SEMA3D: variants seen among roughly 807,000 people sequenced by gnomAD.
SEMA3D encodes the protein semaphorin-3D.
In SEMA3D, 84 loss-of-function variants were observed where a neutral mutation model predicts 100.1. The observed-to-expected ratio is 0.84, with a 90% CI of 0.70 to 1.01. SEMA3D has a LOEUF of 1.01. SEMA3D is among the 50% of genes least tolerant of loss of function. SEMA3D has a pLI of 0.00. For synonymous variants in SEMA3D, 312 were observed against 320.7 expected (o/e 0.97, Z 0.29); for missense variants, 875 against 934.1 (o/e 0.94, Z 0.82).
the SEMA3D span, among the ~76,000 whole-genome samples, chr7:85,194,631 T>A: frequency 6.6e-6 from 1 of 152,160 alleles, no homozygotes; most frequent in Admixed American, 6.5e-5. Flanking sequence ...GCATTTAAAT[T>A]CAAAGAGGGC....
At chr7:85,050,072 A>AACAC (rs55849524) in intron 9 of SEMA3D, among the ~76,000 whole-genome samples, 2,734 of 136,970 alleles carry the variant, frequency 0.02, 24 homozygotes, top group Non-Finnish European at 0.023. Context: ...CTTGAAGGGA[A>AACAC]ACACACACAC....
At chr7:85,091,202 G>A (rs943623892) in intron 4 of SEMA3D, among the ~76,000 whole-genome samples, 1 of 147,514 alleles carries the variant, frequency 6.8e-6, no homozygotes, top group Non-Finnish European at 1.5e-5. Flanking sequence ...AAGGAGGGAG[G>A]GAGGGAAGGA....
chr7:85,096,941 A>G (rs1223521903), intron 4 of SEMA3D, among the ~76,000 whole-genome samples: 1 of 151,794 alleles, frequency 6.6e-6, no homozygotes, highest in Non-Finnish European at 1.5e-5. Context: ...AAACCGTGCA[A>G]CTGCTCCTAA....
chr7:85,008,793 CATT>C (rs1324188980), intron 17 of SEMA3D, among the ~76,000 whole-genome samples: 1 of 151,704 alleles, frequency 6.6e-6, no homozygotes, highest in East Asian at 1.9e-4. Flanking sequence ...AGATTGTCCA[CATT>C]GGTGGCTGAG....
intron 8 of SEMA3D, among the ~76,000 whole-genome samples, chr7:85,064,877 TG>T (rs1791573195): frequency 6.6e-6 from 1 of 152,206 alleles, no homozygotes; most frequent in East Asian, 1.9e-4. Flanking sequence ...GACAAAATTA[TG>T]TCAATATTAA....
At chr7:85,135,700 A>C (rs1789844655) in intron 2 of SEMA3D, among the ~76,000 whole-genome samples, 1 of 150,684 alleles carries the variant, frequency 6.6e-6, no homozygotes, top group Non-Finnish European at 1.5e-5. Context: ...AAAAGAAAAA[A>C]TTAGAAAAAA....
At chr7:85,246,751 C>T in the SEMA3D span, among the ~76,000 whole-genome samples, 5 of 151,720 alleles carry the variant, frequency 3.3e-5, no homozygotes, top group Admixed American at 2.6e-4. Flanking sequence ...CCTGGAATTC[C>T]ACTCTTTGGT....
intron 2 of SEMA3D, among the ~76,000 whole-genome samples, chr7:85,136,941 CA>C (rs1264019508): frequency 6.6e-6 from 1 of 151,998 alleles, no homozygotes; most frequent in Admixed American, 6.6e-5. Flanking sequence ...CACTCAGGGT[CA>C]GGGTTTTTTA....
intron 6 of SEMA3D, among the ~76,000 whole-genome samples, chr7:85,071,069 C>T (rs984827769): frequency 6.6e-6 from 1 of 152,148 alleles, no homozygotes; most frequent in African/African-American, 2.4e-5. Context: ...CCGGCCAGCA[C>T]TTGTGACTTT....
At chr7:85,139,344 A>C (rs1234043517) in intron 2 of SEMA3D, among the ~76,000 whole-genome samples, 1 of 152,174 alleles carries the variant, frequency 6.6e-6, no homozygotes, top group African/African-American at 2.4e-5. Flanking sequence ...ACTGATTATT[A>C]GATTTAAACA....
intron 11 of SEMA3D, among the ~76,000 whole-genome samples, chr7:85,039,542 G>A (rs1490379449): frequency 1.3e-5 from 2 of 152,178 alleles, no homozygotes; most frequent in Non-Finnish European, 2.9e-5. Context: ...TTACAGGCAT[G>A]AGCCATCGTG....
intron 1 of SEMA3D, among the ~76,000 whole-genome samples, chr7:85,173,293 AGAG>A (rs1278158827): frequency 2.0e-5 from 3 of 152,108 alleles, no homozygotes; most frequent in African/African-American, 7.2e-5. Context: ...CTGGGAATTC[AGAG>A]GAGGGTGTTT....
the SEMA3D span, among the ~76,000 whole-genome samples, chr7:85,207,803 T>C: frequency 6.6e-6 from 1 of 152,074 alleles, no homozygotes; most frequent in African/African-American, 2.4e-5. Flanking sequence ...TGTGGATTGC[T>C]TCAATGAAAT....
At chr7:85,212,584 T>C in the SEMA3D span, among the ~76,000 whole-genome samples, 1 of 151,976 alleles carries the variant, frequency 6.6e-6, no homozygotes, top group Non-Finnish European at 1.5e-5. Context: ...CACCTGTGTG[T>C]GTGTTGCGTG....
chr7:85,144,763 A>G (rs1214780459), intron 2 of SEMA3D: 1 of 655,712 alleles, frequency 1.5e-6, no homozygotes, highest in Admixed American at 6.3e-5. Context: ...AGCAAATAAT[A>G]ATATTTCATA....
upstream of SEMA3D, among the ~76,000 whole-genome samples, chr7:85,190,656 C>T (rs539640301): frequency 7.9e-5 from 12 of 152,092 alleles, no homozygotes; most frequent in East Asian, 2.1e-3. Flanking sequence ...AAAAACACAC[C>T]TGACTTTCAT....
chr7:85,109,107 G>T (rs1447708748), intron 3 of SEMA3D, among the ~76,000 whole-genome samples: 1 of 151,606 alleles, frequency 6.6e-6, no homozygotes, highest in Non-Finnish European at 1.5e-5. Flanking sequence ...AAACATGTAT[G>T]GTCTGTCTTT....
chr7:85,203,686 T>G, the SEMA3D span, among the ~76,000 whole-genome samples: 1 of 152,102 alleles, frequency 6.6e-6, no homozygotes, highest in African/African-American at 2.4e-5. Context: ...GGAATGAGGA[T>G]CTATCAAAGT....
chr7:85,124,384 T>C (rs981718414), intron 2 of SEMA3D, among the ~76,000 whole-genome samples: 12 of 151,940 alleles, frequency 7.9e-5, no homozygotes, highest in Admixed American at 2.6e-4. Flanking sequence ...CTTGTGATGG[T>C]ATTTGAATAT....
Sources: allele counts gnomAD v4.1 joint callset (sites outside exome capture counted in the v4.1 genomes callset), GRCh38; gene constraint gnomAD v4.1.1; transcripts MANE v1.5; gene names NCBI Gene and HGNC (gene_info 2026-07-23, HGNC 2026-07-21).